The following SCUBE1 variants were observed in gnomAD, a reference collection of about 807,000 sequenced individuals.
SCUBE1 encodes signal peptide, CUB and EGF-like domain-containing protein 1.
A neutral mutation model predicts 124.4 loss-of-function variants in SCUBE1; 59 were observed. That is an observed-to-expected ratio of 0.47 (90% confidence interval 0.38 to 0.59). The LOEUF (loss-of-function observed/expected upper bound fraction) is 0.59, where lower values mean the gene tolerates loss of function less well. SCUBE1 is among the 20% of genes least tolerant of loss of function. SCUBE1 has a pLI of 0.00. For synonymous variants in SCUBE1, 545 were observed against 550.9 expected, an observed-to-expected ratio of 0.99 and a Z score of 0.15; for missense variants, 1,150 against 1,371.2, an observed-to-expected ratio of 0.84 and a Z score of 2.55.
At chr22:43,220,042 A>C (rs1448209208) in intron 14 of SCUBE1, among the ~76,000 whole-genome samples, 1 of 152,244 alleles carries the variant, frequency 6.6e-6, no homozygotes, top group Non-Finnish European at 1.5e-5. Flanking sequence ...CATATAGCCA[A>C]GAGCAAAGTG....
intron 4 of SCUBE1, among the ~76,000 whole-genome samples, chr22:43,285,236 A>T (rs753915475): frequency 3.3e-5 from 5 of 152,080 alleles, no homozygotes; most frequent in Non-Finnish European, 7.4e-5. Flanking sequence ...CACACTGACC[A>T]ATATCTAACA....
chr22:43,298,220 A>G (rs1259842879), intron 3 of SCUBE1, among the ~76,000 whole-genome samples: 1 of 152,234 alleles, frequency 6.6e-6, no homozygotes, highest in Non-Finnish European at 1.5e-5. Context: ...GGGTTCTGCC[A>G]GATCCAGAAC....
At chr22:43,293,067 C>A (rs946479246) in intron 3 of SCUBE1, among the ~76,000 whole-genome samples, 2 of 152,212 alleles carry the variant, frequency 1.3e-5, no homozygotes, top group Admixed American at 6.5e-5. Flanking sequence ...GCCCATGCCA[C>A]CTTTGCTGGG....
At chr22:43,233,553 C>T (rs1427303414) in intron 7 of SCUBE1, 2 of 152,240 alleles carry the variant, frequency 1.3e-5, no homozygotes, top group African/African-American at 4.8e-5. Context: ...CAGAGCCCGT[C>T]CTGGGCATGG....
intron 7 of SCUBE1, chr22:43,232,445 G>A (rs147701740): frequency 6.4e-6 from 1 of 155,174 alleles, no homozygotes; most frequent in Non-Finnish European, 1.4e-5. Flanking sequence ...CAAAAAGTAG[G>A]TGTTTTTGCC....
intron 3 of SCUBE1, among the ~76,000 whole-genome samples, chr22:43,301,083 G>C (rs767692044): frequency 8.5e-5 from 13 of 152,198 alleles, no homozygotes. Context: ...AAAACACCTG[G>C]TAGTTATTTT....
At chr22:43,288,435 C>T (rs1173325527) in intron 4 of SCUBE1, among the ~76,000 whole-genome samples, 2 of 152,208 alleles carry the variant, frequency 1.3e-5, no homozygotes, top group Non-Finnish European at 2.9e-5. Context: ...ACCCAAAATC[C>T]AAACTCTTGC....
intron 7 of SCUBE1, among the ~76,000 whole-genome samples, chr22:43,236,747 T>G (rs1288004364): frequency 6.6e-6 from 1 of 152,148 alleles, no homozygotes; most frequent in Non-Finnish European, 1.5e-5. Flanking sequence ...CCTGCCATAC[T>G]GAACTTCTCT....
chr22:43,241,823 AG>A (rs1213221904), intron 6 of SCUBE1, among the ~76,000 whole-genome samples: 1 of 152,226 alleles, frequency 6.6e-6, no homozygotes, highest in Non-Finnish European at 1.5e-5. Context: ...TGCCCATGTC[AG>A]GCTCATGTAA....
chr22:43,257,887 CCA>C lies in SCUBE1; in HGVS notation c.727+330_727+331del, dbSNP rs1923719955. On this transcript the variant is annotated intron_variant, in intron 6 of 21. Coordinates refer to ENST00000360835, the MANE Select transcript of SCUBE1 (RefSeq NM_173050.5). ...TTAGGTGCATACACCTCCCTTCTCC[CCA>C]CACACACCCTGCCTGGGGCCACCCC... 2.6e-5 allele frequency among the ~76,000 whole-genome samples: 4 copies of C among 152,328 alleles called. No individual in the cohort carries two copies. The South Asian group carries it at 8.3e-4, about 32-fold the overall frequency.
intron 8 of SCUBE1, among the ~76,000 whole-genome samples, chr22:43,230,936 C>T (rs1364135147): frequency 2.6e-5 from 4 of 152,222 alleles, no homozygotes; most frequent in Non-Finnish European, 5.9e-5. Flanking sequence ...CCACATGCTG[C>T]CCGCAACTGC....
intron 3 of SCUBE1, among the ~76,000 whole-genome samples, chr22:43,306,583 G>A (rs928712880): frequency 6.6e-6 from 1 of 152,150 alleles, no homozygotes; most frequent in Non-Finnish European, 1.5e-5. Context: ...GCCTCATACA[G>A]GGATGCAATC....
At chr22:43,228,587 C>T (rs1922420959) in intron 9 of SCUBE1, among the ~76,000 whole-genome samples, 1 of 152,198 alleles carries the variant, frequency 6.6e-6, no homozygotes. Context: ...CCTGTGGGCT[C>T]CAGTCCTGTG....
intron 2 of SCUBE1, among the ~76,000 whole-genome samples, chr22:43,338,017 C>T (rs972358542): frequency 1.3e-5 from 2 of 152,256 alleles, no homozygotes; most frequent in East Asian, 3.9e-4. Context: ...CCTCAGCTTT[C>T]CTCATTTATA....
At chr22:43,260,080 T>C (rs1923816827) in intron 5 of SCUBE1, among the ~76,000 whole-genome samples, 1 of 152,148 alleles carries the variant, frequency 6.6e-6, no homozygotes, top group Non-Finnish European at 1.5e-5. Flanking sequence ...CTGGACGTCG[T>C]GTGTCTTTCT....
chr22:43,314,306 AGTG>A (rs1926267513), intron 3 of SCUBE1, among the ~76,000 whole-genome samples: 1 of 152,040 alleles, frequency 6.6e-6, no homozygotes, highest in South Asian at 2.1e-4. Context: ...AGTAATAGGG[AGTG>A]GTGGAGACTG....
At chr22:43,342,099 C>G (rs1927336074) in intron 1 of SCUBE1, among the ~76,000 whole-genome samples, 2 of 152,042 alleles carry the variant, frequency 1.3e-5, no homozygotes, top group Non-Finnish European at 2.9e-5. Flanking sequence ...GCCACCCATA[C>G]CAGACCTCAG....
chr22:43,316,036 G>T (rs538123053), intron 3 of SCUBE1, among the ~76,000 whole-genome samples: 2 of 152,266 alleles, frequency 1.3e-5, no homozygotes, highest in African/African-American at 4.8e-5. Flanking sequence ...TCCCCACGAG[G>T]TCTTGGAGGC....
chr22:43,226,651 C>T (rs1922320477), intron 10 of SCUBE1, among the ~76,000 whole-genome samples: 2 of 151,818 alleles, frequency 1.3e-5, no homozygotes, highest in Non-Finnish European at 2.9e-5. Flanking sequence ...GGGCGGGGTT[C>T]TGAGCCCAGA....
Sources: allele counts gnomAD v4.1 joint callset (sites outside exome capture counted in the v4.1 genomes callset), GRCh38; gene constraint gnomAD v4.1.1; transcripts MANE v1.5; gene names NCBI Gene and HGNC (gene_info 2026-07-23, HGNC 2026-07-21).